Variants in GALNT13 observed in about 807,000 individuals in gnomAD.
GALNT13 encodes the protein polypeptide N-acetylgalactosaminyltransferase 13, also known as UDP-GalNAc:polypeptide N-acetylgalactosaminyltransferase 13.
A neutral mutation model predicts 64.2 loss-of-function variants in GALNT13; 28 were observed. That is an observed-to-expected ratio of 0.44 (90% CI 0.32 to 0.60). GALNT13 has a LOEUF of 0.60. Among genes scored for constraint, GALNT13 ranks in the 20% least tolerant of loss-of-function variants. The probability of loss-of-function intolerance (pLI) is 0.05; values close to 1 mark genes in which losing one functional copy is unlikely to be tolerated. For missense variants in GALNT13, 577 were observed against 669.8 expected (o/e 0.86, Z 1.53); for synonymous variants, 214 against 224.6 (o/e 0.95, Z 0.42).
chr2:153,856,376 G>A, the GALNT13 span, among the ~76,000 whole-genome samples: 6 of 151,998 alleles, frequency 3.9e-5, no homozygotes, highest in African/African-American at 1.2e-4. Context: ...GACCCAGAGT[G>A]GAAGATATTT....
At chr2:154,207,227 A>G (rs1687511377) in intron 4 of GALNT13, among the ~76,000 whole-genome samples, 1 of 152,074 alleles carries the variant, frequency 6.6e-6, no homozygotes, top group African/African-American at 2.4e-5. Context: ...GTCTTGTTTG[A>G]TGCCTCCCCT....
the GALNT13 span, among the ~76,000 whole-genome samples, chr2:153,366,054 T>A: frequency 1.3e-5 from 2 of 152,228 alleles, no homozygotes; most frequent in Non-Finnish European, 2.9e-5. Context: ...TGGAATACTA[T>A]GCAGCCATAA....
At chr2:153,752,519 G>A in the GALNT13 span, among the ~76,000 whole-genome samples, 1 of 151,932 alleles carries the variant, frequency 6.6e-6, no homozygotes, top group Non-Finnish European at 1.5e-5. Context: ...ACAATTCTAG[G>A]GTAAAAGCTT....
intron 8 of GALNT13, among the ~76,000 whole-genome samples, chr2:154,261,542 T>C (rs926654926): frequency 5.3e-5 from 8 of 152,242 alleles, no homozygotes; most frequent in African/African-American, 1.9e-4. Context: ...CATGACTTGA[T>C]GAAATGAGAA....
intron 4 of GALNT13, among the ~76,000 whole-genome samples, chr2:154,147,984 T>G (rs994701876): frequency 1.3e-5 from 2 of 151,974 alleles, no homozygotes; most frequent in African/African-American, 4.8e-5. Flanking sequence ...TAGTTACATA[T>G]GTATACATGT....
intron 7 of GALNT13, among the ~76,000 whole-genome samples, chr2:154,255,574 A>G (rs1032606061): frequency 1.3e-4 from 20 of 152,162 alleles, no homozygotes; most frequent in African/African-American, 4.8e-4. Flanking sequence ...TGAATGCTAG[A>G]CCACAATGAG....
At chr2:153,365,687 C>T in the GALNT13 span, among the ~76,000 whole-genome samples, 1 of 152,140 alleles carries the variant, frequency 6.6e-6, no homozygotes, top group African/African-American at 2.4e-5. Flanking sequence ...ATCAAAACCA[C>T]AATGAGATAC....
chr2:154,169,151 T>C (rs75908037), intron 4 of GALNT13, among the ~76,000 whole-genome samples: 2,230 of 152,150 alleles, frequency 0.015, 53 homozygotes, highest in African/African-American at 0.051. Context: ...TCATGAGGGA[T>C]CCATCCCCAT....
the GALNT13 span, among the ~76,000 whole-genome samples, chr2:153,835,596 A>T: frequency 1.2e-4 from 19 of 152,082 alleles, no homozygotes; most frequent in Admixed American, 1.2e-3. Context: ...AAATTCCTTT[A>T]AATTGAAATT....
chr2:153,720,154 C>G, the GALNT13 span, among the ~76,000 whole-genome samples: 2 of 146,060 alleles, frequency 1.4e-5, no homozygotes, highest in Non-Finnish European at 3.0e-5. Flanking sequence ...TCCCTGACCC[C>G]TGACCCCCGA....
chr2:154,357,110 T>C (rs899643617), intron 9 of GALNT13, among the ~76,000 whole-genome samples: 1 of 152,002 alleles, frequency 6.6e-6, no homozygotes, highest in African/African-American at 2.4e-5. Flanking sequence ...TACCTCCTGC[T>C]TGCAATATAG....
the GALNT13 span, among the ~76,000 whole-genome samples, chr2:153,493,680 A>G: frequency 3.3e-5 from 5 of 152,004 alleles, no homozygotes; most frequent in Non-Finnish European, 7.4e-5. Context: ...CAAAGATACT[A>G]CAAAAATAAA....
chr2:153,396,950 G>A, the GALNT13 span, among the ~76,000 whole-genome samples: 2 of 152,138 alleles, frequency 1.3e-5, no homozygotes, highest in South Asian at 2.1e-4. Flanking sequence ...TTCCAACAAG[G>A]ACATGTGTGG....
chr2:153,955,111 T>C (rs1447790064), intron 3 of GALNT13, among the ~76,000 whole-genome samples: 1 of 152,172 alleles, frequency 6.6e-6, no homozygotes, highest in East Asian at 1.9e-4. Flanking sequence ...CTGATTAATT[T>C]AGATTGCAGT....
the GALNT13 span, among the ~76,000 whole-genome samples, chr2:153,345,689 T>TTC: frequency 2.7e-3 from 378 of 137,678 alleles, 5 homozygotes; most frequent in Admixed American, 9.3e-3. Context: ...CTTTCTTTCT[T>TTC]TCTTTCTTTC....
At chr2:153,273,381 A>G in the GALNT13 span, among the ~76,000 whole-genome samples, 1 of 152,192 alleles carries the variant, frequency 6.6e-6, no homozygotes, top group East Asian at 1.9e-4. Flanking sequence ...AAACTATGGT[A>G]TTGAGTGCTG....
At chr2:153,314,513 T>C in the GALNT13 span, among the ~76,000 whole-genome samples, 1 of 152,112 alleles carries the variant, frequency 6.6e-6, no homozygotes, top group South Asian at 2.1e-4. Context: ...ATTTGGAGCA[T>C]CCTTCCAAAA....
the GALNT13 span, among the ~76,000 whole-genome samples, chr2:153,423,923 T>G: frequency 6.6e-6 from 1 of 151,506 alleles, no homozygotes; most frequent in Non-Finnish European, 1.5e-5. Flanking sequence ...AAACTTATGT[T>G]AGACTATAAA....
the GALNT13 span, among the ~76,000 whole-genome samples, chr2:153,252,603 A>G: frequency 6.6e-6 from 1 of 152,104 alleles, no homozygotes; most frequent in African/African-American, 2.4e-5. Flanking sequence ...TTACGGTTTT[A>G]GGTCTAACCT....
Sources: gnomAD v4.1 joint callset for allele counts (sites outside exome capture counted in the v4.1 genomes callset) on GRCh38, gnomAD v4.1.1 for gene constraint, MANE v1.5 for transcripts, NCBI Gene and HGNC (gene_info 2026-07-23, HGNC 2026-07-21) for gene names.